Variants in HCN1 observed in about 807,000 individuals in gnomAD.
The protein encoded by HCN1 is hyperpolarization activated cyclic nucleotide gated potassium channel 1.
In HCN1, 13 loss-of-function variants were observed where a neutral mutation model predicts 78.9. The ratio of observed to expected loss-of-function variants is 0.16; its 90% confidence interval spans 0.11 to 0.26. The LOEUF (loss-of-function observed/expected upper bound fraction) is 0.26. HCN1 is among the 10% of genes least tolerant of loss of function. HCN1 has a pLI of 1.00. For synonymous variants in HCN1, 552 were observed against 455.5 expected, an observed-to-expected ratio of 1.21 and a Z score of -2.70; for missense variants, 810 against 1,154.3, an observed-to-expected ratio of 0.70 and a Z score of 4.32.
At chr5:45,692,595 T>C (rs1232648705) in intron 1 of HCN1, among the ~76,000 whole-genome samples, 2 of 152,178 alleles carry the variant, frequency 1.3e-5, no homozygotes, top group Non-Finnish European at 2.9e-5. Context: ...AAGGTTTCTA[T>C]TGTCATCCTC....
chr5:45,314,344 C>A (rs894903121), intron 5 of HCN1, among the ~76,000 whole-genome samples: 1 of 151,958 alleles, frequency 6.6e-6, no homozygotes, highest in Non-Finnish European at 1.5e-5. Flanking sequence ...GCCTGCCCTA[C>A]AAGAGATCCT....
intron 4 of HCN1, among the ~76,000 whole-genome samples, chr5:45,364,039 A>C (rs1465130703): frequency 1.3e-5 from 2 of 152,028 alleles, no homozygotes; most frequent in Non-Finnish European, 2.9e-5. Context: ...GGAGATTCCA[A>C]ACTAAGACAG....
At chr5:45,276,907 A>G (rs1263433006) in intron 6 of HCN1, among the ~76,000 whole-genome samples, 1 of 152,062 alleles carries the variant, frequency 6.6e-6, no homozygotes, top group Non-Finnish European at 1.5e-5. Flanking sequence ...GGGAGAGGAG[A>G]CATTAGAATG....
At chr5:45,281,631 G>A (rs189219024) in intron 6 of HCN1, among the ~76,000 whole-genome samples, 1,250 of 124,924 alleles carry the variant, frequency 0.01, 23 homozygotes, top group African/African-American at 0.036. Flanking sequence ...CTCTGTTGCC[G>A]GGCTGGAGTG....
intron 5 of HCN1, among the ~76,000 whole-genome samples, chr5:45,352,284 C>T (rs1013681529): frequency 6.6e-6 from 1 of 151,562 alleles, no homozygotes; most frequent in South Asian, 2.1e-4. Context: ...GACAAAAAAT[C>T]GAACACCGCA....
rs1287962730 is a variant in HCN1, at chr5:45,654,491, T to C, written c.426-8883A>G. Among the ~76,000 whole-genome samples the C allele has an allele frequency of 3.3e-5, 5 of 152,282 alleles. No individual in the cohort carries two copies. The East Asian group carries it at 9.7e-4, about 29-fold the overall frequency. ...CTGCTTCTAACTCTTGACAATTTAT[T>C]CCTTTAAGGAAAGCAAAAATACTGT... is the stretch of plus-strand genomic sequence containing the variant. On this transcript the variant is annotated intron_variant, in intron 1 of 7. Coordinates refer to ENST00000303230, the MANE Select transcript of HCN1 (RefSeq NM_021072.4).
chr5:45,371,006 C>G (rs749710584), intron 4 of HCN1, among the ~76,000 whole-genome samples: 10 of 151,806 alleles, frequency 6.6e-5, no homozygotes, highest in Non-Finnish European at 1.0e-4. Flanking sequence ...TATATCAAAG[C>G]TAGAGAAGGA....
At chr5:45,318,381 A>C (rs1270147459) in intron 5 of HCN1, among the ~76,000 whole-genome samples, 1 of 152,104 alleles carries the variant, frequency 6.6e-6, no homozygotes, top group South Asian at 2.1e-4. Flanking sequence ...ACTTGGTCAC[A>C]GAAAGGGGAA....
intron 5 of HCN1, among the ~76,000 whole-genome samples, chr5:45,339,205 A>G (rs1579822052): frequency 1.3e-5 from 2 of 152,286 alleles, no homozygotes; most frequent in East Asian, 3.9e-4. Context: ...TGGTTACTAG[A>G]AATACAAGGA....
intron 6 of HCN1, among the ~76,000 whole-genome samples, chr5:45,275,763 G>A (rs56147818): frequency 2.0e-5 from 3 of 152,154 alleles, no homozygotes; most frequent in South Asian, 2.1e-4. Context: ...ACAGATTAAA[G>A]GGGTTCTGTT....
chr5:45,315,884 T>A (rs1452244899), intron 5 of HCN1, among the ~76,000 whole-genome samples: 1 of 152,172 alleles, frequency 6.6e-6, no homozygotes, highest in Non-Finnish European at 1.5e-5. Context: ...AATCCCTGAA[T>A]AGACCAATAA....
chr5:45,667,925 T>C (rs1201212109), intron 1 of HCN1, among the ~76,000 whole-genome samples: 3 of 151,996 alleles, frequency 2.0e-5, no homozygotes, highest in Non-Finnish European at 4.4e-5. Flanking sequence ...TGTTGTTCAT[T>C]CTATGTTTAC....
chr5:45,332,046 C>T (rs930956417), intron 5 of HCN1, among the ~76,000 whole-genome samples: 4 of 151,432 alleles, frequency 2.6e-5, no homozygotes, highest in African/African-American at 7.3e-5. Flanking sequence ...ATGTAGTATA[C>T]ATATGTTCTT....
At chr5:45,363,552 C>A in intron 4 of HCN1, among the ~76,000 whole-genome samples, 1 of 151,912 alleles carries the variant, frequency 6.6e-6, no homozygotes, top group East Asian at 1.9e-4. Flanking sequence ...CAATAATATA[C>A]CCTTCATTAG....
At chr5:45,397,363 A>G (rs1002998357) in intron 3 of HCN1, among the ~76,000 whole-genome samples, 1 of 152,124 alleles carries the variant, frequency 6.6e-6, no homozygotes, top group Non-Finnish European at 1.5e-5. Context: ...GAAATAGGCA[A>G]AAGAACATCT....
intron 2 of HCN1, among the ~76,000 whole-genome samples, chr5:45,638,923 G>T (rs1368481524): frequency 6.6e-6 from 1 of 152,070 alleles, no homozygotes; most frequent in Non-Finnish European, 1.5e-5. Flanking sequence ...TTTCCAAATA[G>T]AACTCATTAC....
intron 4 of HCN1, among the ~76,000 whole-genome samples, chr5:45,363,994 C>T (rs902985726): frequency 2.6e-5 from 4 of 152,030 alleles, no homozygotes; most frequent in Admixed American, 1.3e-4. Context: ...CAGTAAATTA[C>T]CCACCCCAAA....
At chr5:45,608,394 T>G (rs6865405) in intron 2 of HCN1, among the ~76,000 whole-genome samples, 39,260 of 149,488 alleles carry the variant, frequency 0.26, 5,210 homozygotes, top group East Asian at 0.32. Context: ...TGTGTGTGTA[T>G]GTGTGATGTC....
intron 2 of HCN1, among the ~76,000 whole-genome samples, chr5:45,517,131 T>A (rs1742529416): frequency 6.6e-6 from 1 of 152,006 alleles, no homozygotes; most frequent in Non-Finnish European, 1.5e-5. Context: ...TAACAAGCCA[T>A]AAGTATAAGT....
Sources: allele counts gnomAD v4.1 joint callset (sites outside exome capture counted in the v4.1 genomes callset), GRCh38; gene constraint gnomAD v4.1.1; transcripts MANE v1.5; gene names NCBI Gene and HGNC (gene_info 2026-07-23, HGNC 2026-07-21).